CNTRL: variants seen among roughly 807,000 people sequenced by gnomAD.
CNTRL encodes the protein centriolin.
In CNTRL, 233 loss-of-function variants were observed where a neutral mutation model predicts 303.7. The ratio of observed to expected loss-of-function variants is 0.77; its 90% CI spans 0.69 to 0.86. The LOEUF (loss-of-function observed/expected upper bound fraction) is 0.86. Among genes scored for constraint, CNTRL ranks in the 40% least tolerant of loss-of-function variants. The pLI is 0.00. For synonymous variants in CNTRL, 900 were observed against 922.2 expected (o/e 0.98, Z 0.44); for missense variants, 2,524 against 2,650.6 (o/e 0.95, Z 1.05).
chr9:121,086,696 A>C (rs1445804665), intron 2 of CNTRL, among the ~76,000 whole-genome samples: 1 of 140,886 alleles, frequency 7.1e-6, no homozygotes, highest in Non-Finnish European at 1.5e-5. Flanking sequence ...GCTGGACTGC[A>C]GTGGCGCGAT....
At chr9:121,107,155 T>G (rs1015495529) in intron 7 of CNTRL, among the ~76,000 whole-genome samples, 1 of 152,152 alleles carries the variant, frequency 6.6e-6, no homozygotes, top group Non-Finnish European at 1.5e-5. Context: ...GGCAGGCTTC[T>G]CAAAATTTTT....
At chr9:121,160,739 G>T (rs1404897162) in intron 32 of CNTRL, among the ~76,000 whole-genome samples, 1 of 152,142 alleles carries the variant, frequency 6.6e-6, no homozygotes, top group African/African-American at 2.4e-5. Flanking sequence ...CAGCTCTTTG[G>T]GAGGCTGAGG....
chr9:121,096,510 A>G lies in CNTRL; in HGVS notation c.568A>G (p.Lys190Glu). The G allele has an allele frequency of 6.4e-7, 1 of 1,554,674 alleles. No individual in the cohort carries two copies. The highest frequency in any genetic ancestry group is 1.3e-5 in the South Asian group (1 of 79,610). ...EIEHIPVWLG[K>E]KLKSLRVLNL... ...TGAGCATATTCCAGTATGGTTAGGG[A>G]AGAAGTTAAAATCTTTGCGAGTCCT... is the stretch of plus-strand genomic sequence containing the variant. Residue 190 changes from lysine to glutamate, a missense_variant, in exon 6 of 44, where the codon AAG (lysine) becomes GAG (glutamate). Transcript: ENST00000373855.
Position 121,171,559 on chromosome 9 carries a change from A to C in CNTRL, c.6417+11A>C. 6.2e-7 allele frequency: 1 copy of C among 1,611,790 alleles called. No homozygotes were observed. Among genetic ancestry groups the C allele is most frequent in the Non-Finnish European group, 8.5e-7 (1 of 1,178,896 alleles). The stretch of plus-strand genomic sequence containing the variant: ...GAGCTCAAGAAACAGGTGTGTGCCC[A>C]GAAAGCCCAGCTGGCCAGCCTGGGG... On this transcript the variant is annotated intron_variant, in intron 40 of 43. Transcript: ENST00000373855.
intron 12 of CNTRL, chr9:121,122,099 A>C (rs2050263842): frequency 4.2e-6 from 1 of 238,508 alleles, no homozygotes; most frequent in African/African-American, 2.3e-5. Context: ...TTTAATGTAC[A>C]CCATTGGCAT....
chr9:121,136,458 C>T (rs748427976), intron 15 of CNTRL, among the ~76,000 whole-genome samples: 15 of 151,926 alleles, frequency 9.9e-5, no homozygotes, highest in South Asian at 2.1e-4. Flanking sequence ...TACAGGTGCG[C>T]GCCACCATGC....
At position 121,125,913 on chromosome 9, in the gene CNTRL, A is replaced by G. The variant is rs746562966; in HGVS notation, c.2002A>G (p.Met668Val). 1 of 1,614,178 alleles carries G rather than the reference A, an allele frequency of 6.2e-7. No homozygotes were observed. Residue 668 changes from methionine to valine, a missense_variant, in exon 14 of 44, where the codon ATG becomes GTG. Physicochemically the swap from Met to Val is conservative, Grantham distance 21. Coordinates refer to ENST00000373855, the MANE Select transcript of CNTRL (RefSeq NM_007018.6). The part of the protein sequence containing the change: ...QERDQLEIVA[M>V]DAENMRKELA... ...GAGAGACCAGCTGGAAATAGTTGCC[A>G]TGGATGCAGAAAATATGAGGAAGGT...
intron 3 of CNTRL, 139 bp from the exon 4 acceptor site, chr9:121,090,136 A>G: frequency 2.0e-6 from 1 of 512,566 alleles, no homozygotes; most frequent in South Asian, 3.5e-5. Flanking sequence ...TTATTAAAAC[A>G]TTATGATTAG....
Position 121,088,415 on chromosome 9 carries a change from TGA to T in CNTRL, c.92_93del (p.Arg31IlefsTer2). 1 of 1,607,516 alleles carries T rather than the reference TGA, an allele frequency of 6.2e-7. No homozygotes were observed. The highest frequency in any genetic ancestry group is 1.3e-5 in the African/African-American group (1 of 74,890). Reference sequence around the variant, plus strand: ...CCTATCCCATCATCTATGTCCAATATGAGATCTAGGTCACTTTCACCTTTGAT... The same window carrying T: ...CCTATCCCATCATCTATGTCCAATATGATCTAGGTCACTTTCACCTTTGAT... On this transcript the variant is annotated frameshift_variant, in exon 3 of 44. Coordinates refer to ENST00000373855, the MANE Select transcript of CNTRL (RefSeq NM_007018.6). LOFTEE classifies it high-confidence loss of function.
intron 15 of CNTRL, among the ~76,000 whole-genome samples, chr9:121,137,361 T>C (rs1203028140): frequency 2.0e-5 from 3 of 152,178 alleles, no homozygotes; most frequent in African/African-American, 7.2e-5. Context: ...CTGTTTGTTT[T>C]ACCCCAGCTA....
At chr9:121,163,926 G>T (rs192608654) in intron 34 of CNTRL, among the ~76,000 whole-genome samples, 1 of 149,864 alleles carries the variant, frequency 6.7e-6, no homozygotes, top group Non-Finnish European at 1.5e-5. Context: ...GTGCAGTGGC[G>T]CTATCTTGGC....
chr9:121,106,766 CA>C (rs2049497551), intron 7 of CNTRL, among the ~76,000 whole-genome samples: 1 of 151,994 alleles, frequency 6.6e-6, no homozygotes, highest in African/African-American at 2.4e-5. Flanking sequence ...AGAAACATGG[CA>C]AGTTTTTATT....
intron 35 of CNTRL, among the ~76,000 whole-genome samples, 180 bp downstream of exon 35, chr9:121,165,280 AG>A (rs1231557947): frequency 6.6e-6 from 1 of 152,166 alleles, no homozygotes; most frequent in East Asian, 1.9e-4. Context: ...CACTTTAAAT[AG>A]GACATGATAT....
At chr9:121,174,183 T>C (rs919212428) in intron 42 of CNTRL, among the ~76,000 whole-genome samples, 1 of 152,196 alleles carries the variant, frequency 6.6e-6, no homozygotes, top group Non-Finnish European at 1.5e-5. Context: ...GATATCTGTC[T>C]GTAGGCAGCC....
chr9:121,151,297 CTG>C (rs1003859285), intron 25 of CNTRL, among the ~76,000 whole-genome samples: 5 of 150,800 alleles, frequency 3.3e-5, no homozygotes, highest in Non-Finnish European at 5.9e-5. Flanking sequence ...CTGTAGCTGA[CTG>C]TAAATTCTTA....
At chr9:121,152,826 G>A (rs544927237) in intron 26 of CNTRL, 133 bp downstream of exon 26, 3 of 687,454 alleles carry the variant, frequency 4.4e-6, no homozygotes, top group African/African-American at 3.6e-5. Context: ...CAGTGTGGCT[G>A]TTGAGCACTT....
chr9:121,093,954 CA>C (rs781781367), intron 4 of CNTRL, among the ~76,000 whole-genome samples: 6 of 151,924 alleles, frequency 3.9e-5, no homozygotes, highest in Admixed American at 3.3e-4. Context: ...ACTAAAAATA[CA>C]AAAAATTAAC....
At position 121,088,436 on chromosome 9, in the gene CNTRL, C is replaced by T. The variant is rs1451667439; in HGVS notation, c.110C>T (p.Pro37Leu). 2 of 1,611,890 alleles carry T rather than the reference C, an allele frequency of 1.2e-6. No individual in the cohort carries two copies. Among genetic ancestry groups the T allele is most frequent in the Non-Finnish European group, 1.7e-6 (2 of 1,178,120 alleles). Residue 37 changes from proline (P) to leucine (L), a missense_variant, in exon 3 of 44, where the codon CCT becomes CTT. Physicochemically the swap from Pro to Leu is moderately conservative, Grantham distance 98 (BLOSUM62 -3). Coordinates refer to ENST00000373855, the MANE Select transcript of CNTRL (RefSeq NM_007018.6). ...MSNMRSRSLS[P>L]LIGSETLPFH... ...AATATGAGATCTAGGTCACTTTCAC[C>T]TTTGATTGGATCAGAGACTCTACCT...
chr9:121,140,583 T>C (rs571678103), intron 16 of CNTRL, 58 bp from the exon 17 acceptor site: 2 of 1,459,798 alleles, frequency 1.4e-6, no homozygotes, highest in African/African-American at 2.8e-5. Context: ...GTTAGTTCGT[T>C]AGTAGTGAAA....
Sources: gnomAD v4.1 joint callset for allele counts (sites outside exome capture counted in the v4.1 genomes callset) on GRCh38, gnomAD v4.1.1 for gene constraint, MANE v1.5 for transcripts, NCBI Gene and HGNC (gene_info 2026-07-23, HGNC 2026-07-21) for gene names.